C10orf90: variants seen among roughly 807,000 people sequenced by gnomAD.
C10orf90 encodes chromosome 10 open reading frame 90.
In C10orf90, 56 loss-of-function variants were observed where a neutral mutation model predicts 62.5. That is an observed-to-expected ratio of 0.90 (90% confidence interval 0.72 to 1.12). C10orf90 has a LOEUF of 1.12. Among genes scored for constraint, C10orf90 ranks in the 50% most tolerant of loss-of-function variants. The pLI is 0.00. For missense variants in C10orf90, 970 were observed against 880.4 expected, an observed-to-expected ratio of 1.10 and a Z score of -1.29; for synonymous variants, 386 against 340.4, an observed-to-expected ratio of 1.13 and a Z score of -1.47.
intron 7 of C10orf90, among the ~76,000 whole-genome samples, chr10:126,458,206 C>G (rs973844813): frequency 6.6e-6 from 1 of 152,136 alleles, no homozygotes; most frequent in African/African-American, 2.4e-5. Context: ...CTTTATTGAA[C>G]ATGGTTATTT....
intron 4 of C10orf90, among the ~76,000 whole-genome samples, chr10:126,478,776 G>A (rs1006646732): frequency 4.8e-4 from 73 of 152,194 alleles, no homozygotes; most frequent in African/African-American, 1.7e-3. Flanking sequence ...CCCTGGCCTT[G>A]GTCTTGTCCT....
chr10:126,539,573 G>A (rs4962574), intron 2 of C10orf90, among the ~76,000 whole-genome samples: 99,096 of 151,782 alleles, frequency 0.65, 33,323 homozygotes, highest in African/African-American at 0.82. Context: ...AAATAAATTC[G>A]TTCCATAAAT....
chr10:126,574,144 A>G (rs1203614925), intron 2 of C10orf90, among the ~76,000 whole-genome samples: 1 of 152,030 alleles, frequency 6.6e-6, no homozygotes, highest in Admixed American at 6.6e-5. Context: ...CACAGAAGTC[A>G]TGAAAAACTG....
At chr10:126,651,747 A>G (rs192955930) in intron 1 of C10orf90, among the ~76,000 whole-genome samples, 233 of 152,326 alleles carry the variant, frequency 1.5e-3, no homozygotes, top group African/African-American at 5.4e-3. Flanking sequence ...TAGTTTGCAG[A>G]GAAAACAGAG....
intron 2 of C10orf90, among the ~76,000 whole-genome samples, chr10:126,575,633 G>A (rs1457201121): frequency 1.3e-5 from 2 of 151,764 alleles, no homozygotes; most frequent in Non-Finnish European, 2.9e-5. Context: ...AGCAATCCTG[G>A]TCAAAAAGAA....
chr10:126,570,317 G>A (rs1248962056), intron 2 of C10orf90, among the ~76,000 whole-genome samples: 3 of 152,174 alleles, frequency 2.0e-5, no homozygotes, highest in Middle Eastern at 3.2e-3. Context: ...TGGACTTTAC[G>A]CACTGCCTAA....
chr10:126,627,001 T>TTTC (rs1554928307), intron 2 of C10orf90, among the ~76,000 whole-genome samples: 1 of 39,154 alleles, frequency 2.6e-5, no homozygotes, highest in African/African-American at 1.2e-4. Flanking sequence ...TTTTCTTTTC[T>TTTC]TTTTTTTTTT....
intron 2 of C10orf90, among the ~76,000 whole-genome samples, chr10:126,569,679 G>C (rs1210255891): frequency 6.6e-6 from 1 of 152,192 alleles, no homozygotes; most frequent in Non-Finnish European, 1.5e-5. Flanking sequence ...TTTACTGGAA[G>C]TGTGGAGTCT....
In C10orf90 at chr10:126,589,378, A is replaced by G. The variant is rs1844935936; in HGVS notation, c.313+57187T>C. ...GACAACCCCACTAAGATACTCCATG[A>G]GAAGATCAACCCCAAGACACGATCA... On this transcript the variant is annotated intron_variant, in intron 2 of 9. Transcript: ENST00000488181. Among the ~76,000 whole-genome samples the G allele has an allele frequency of 1.3e-5, 2 of 152,156 alleles. 1 individual carries two copies. The highest frequency in any genetic ancestry group is 4.1e-4 in the South Asian group (2 of 4,820).
intron 2 of C10orf90, among the ~76,000 whole-genome samples, chr10:126,548,669 G>A (rs897220174): frequency 1.3e-5 from 2 of 151,708 alleles, no homozygotes; most frequent in South Asian, 2.1e-4. Flanking sequence ...CCGGCCGCAA[G>A]ATCCCATCTT....
intron 1 of C10orf90, among the ~76,000 whole-genome samples, chr10:126,649,122 G>A (rs1846241486): frequency 7.4e-6 from 1 of 135,272 alleles, no homozygotes; most frequent in South Asian, 2.4e-4. Flanking sequence ...AAGACCCACA[G>A]CGTTCTGCAA....
Position 126,504,372 on chromosome 10 carries a change from C to T in C10orf90, c.1119G>A (p.Glu373=). 1 of 1,614,172 alleles carries T rather than the reference C, an allele frequency of 6.2e-7. No individual in the cohort carries two copies. The highest frequency in any genetic ancestry group is 1.3e-5 in the African/African-American group (1 of 75,024). The change falls in exon 4 of 10, where the codon GAG becomes GAA. Residue 373 remains glutamate (E), a synonymous_variant. Transcript: ENST00000488181. The surrounding 1 kb of genome is among the most constrained non-coding windows in gnomAD (Gnocchi z 4.1). ...YVDKSLSVPI[E]PPQIASPKMH... ...TTTTGGGGCTGGCAATTTGAGGTGG[C>T]TCAATGGGGACGGAGAGAGACTTGT...
chr10:126,526,994 C>T (rs982841319), intron 2 of C10orf90, among the ~76,000 whole-genome samples: 4 of 152,184 alleles, frequency 2.6e-5, no homozygotes, highest in African/African-American at 9.7e-5. Context: ...GTTGTTCCCC[C>T]TGTGGGTTTA....
intron 2 of C10orf90, among the ~76,000 whole-genome samples, chr10:126,592,844 A>G (rs1845008363): frequency 6.6e-6 from 1 of 152,130 alleles, no homozygotes; most frequent in Non-Finnish European, 1.5e-5. Flanking sequence ...TATTTACAAA[A>G]AAAGAAAAAC....
At chr10:126,566,399 T>G (rs1343723072) in intron 2 of C10orf90, among the ~76,000 whole-genome samples, 1 of 152,158 alleles carries the variant, frequency 6.6e-6, no homozygotes, top group Non-Finnish European at 1.5e-5. Context: ...AGGAAGAGTA[T>G]AGGCCTTCAG....
intron 1 of C10orf90, among the ~76,000 whole-genome samples, chr10:126,664,467 A>G (rs1846584889): frequency 6.6e-6 from 1 of 152,200 alleles, no homozygotes; most frequent in Admixed American, 6.5e-5. Flanking sequence ...CATTTTTCCT[A>G]TGAACACAGA....
intron 3 of C10orf90, among the ~76,000 whole-genome samples, chr10:126,512,549 G>A (rs923510970): frequency 6.6e-6 from 1 of 152,056 alleles, no homozygotes; most frequent in Non-Finnish European, 1.5e-5. Context: ...GTGAAAAACA[G>A]GTGACAAATA....
rs138385630 is a variant in C10orf90 at position 126,594,933 on chromosome 10, G to A, written c.313+51632C>T. ...GACTGTGTCCTCAGTGAAATGGGAA[G>A]GCCCTGGAGAGTCTTAAGGTGGAAG... On this transcript the variant is annotated intron_variant, in intron 2 of 9. Coordinates refer to ENST00000488181, the MANE Select transcript of C10orf90 (RefSeq NM_001350921.2). Among the ~76,000 whole-genome samples, 397 of 152,302 alleles carry A rather than the reference G, an allele frequency of 2.6e-3. 2 individuals are homozygous for A. The highest frequency in any genetic ancestry group is 0.01 in the Middle Eastern group (3 of 294).
At chr10:126,596,732 T>C (rs534998104) in intron 2 of C10orf90, among the ~76,000 whole-genome samples, 1 of 152,230 alleles carries the variant, frequency 6.6e-6, no homozygotes, top group African/African-American at 2.4e-5. Flanking sequence ...ACAGAATGGT[T>C]GTATGGGTAC....
Sources: allele counts gnomAD v4.1 joint callset (sites outside exome capture counted in the v4.1 genomes callset), GRCh38; gene constraint gnomAD v4.1.1; non-coding constraint Gnocchi (gnomAD v3.1); transcripts MANE v1.5; gene names NCBI Gene and HGNC (gene_info 2026-07-23, HGNC 2026-07-21).